The following HCN1 variants were observed in gnomAD, a reference collection of about 807,000 sequenced individuals.
HCN1 encodes the protein potassium/sodium hyperpolarization-activated cyclic nucleotide-gated channel 1.
HCN1 carries 13 observed loss-of-function variants against 78.9 expected under a neutral mutation model. The ratio of observed to expected loss-of-function variants is 0.16; its 90% CI spans 0.11 to 0.26. The LOEUF (loss-of-function observed/expected upper bound fraction) is 0.26. HCN1 is among the 10% of genes least tolerant of loss of function. The pLI, the probability that HCN1 is intolerant of heterozygous loss-of-function variation, is 1.00. For missense variants in HCN1, 810 were observed against 1,154.3 expected (o/e 0.70, Z 4.32); for synonymous variants, 552 against 455.5 (o/e 1.21, Z -2.70).
At chr5:45,306,586 C>A (rs752164329) in intron 5 of HCN1, among the ~76,000 whole-genome samples, 6 of 152,052 alleles carry the variant, frequency 3.9e-5, no homozygotes, top group Non-Finnish European at 7.4e-5. Context: ...TTCTAAAAAC[C>A]TTTCATTCTC....
intron 5 of HCN1, among the ~76,000 whole-genome samples, chr5:45,312,906 G>T (rs1193953683): frequency 1.3e-5 from 2 of 152,156 alleles, no homozygotes; most frequent in Non-Finnish European, 2.9e-5. Context: ...AGCTCAAGGA[G>T]GCCTGCCTGC....
chr5:45,315,597 A>G (rs1168335981), intron 5 of HCN1, among the ~76,000 whole-genome samples: 2 of 152,190 alleles, frequency 1.3e-5, no homozygotes, highest in East Asian at 3.8e-4. Context: ...AGACACAAAA[A>G]ACCCTTCAGA....
chr5:45,455,443 A>C (rs1579906383), intron 3 of HCN1, among the ~76,000 whole-genome samples: 1 of 152,186 alleles, frequency 6.6e-6, no homozygotes, highest in East Asian at 1.9e-4. Flanking sequence ...TTAGAATGTA[A>C]GCCTAATGAG....
intron 6 of HCN1, among the ~76,000 whole-genome samples, chr5:45,275,842 T>G (rs1204231278): frequency 2.0e-5 from 3 of 152,084 alleles, no homozygotes; most frequent in Admixed American, 6.6e-5. Context: ...TTTTTCTGCT[T>G]CTATCTGTCT....
chr5:45,328,351 A>G (rs1169574436), intron 5 of HCN1, among the ~76,000 whole-genome samples: 3 of 151,470 alleles, frequency 2.0e-5, no homozygotes, highest in African/African-American at 7.3e-5. Context: ...CTCATATTAC[A>G]TAGAGAACTT....
chr5:45,332,151 A>G (rs1247789147), intron 5 of HCN1, among the ~76,000 whole-genome samples: 1 of 151,382 alleles, frequency 6.6e-6, no homozygotes, highest in Non-Finnish European at 1.5e-5. Context: ...TAGAAGCTTT[A>G]CCTAGCACAG....
At chr5:45,616,875 C>A (rs1744968008) in intron 2 of HCN1, among the ~76,000 whole-genome samples, 1 of 151,862 alleles carries the variant, frequency 6.6e-6, no homozygotes, top group Non-Finnish European at 1.5e-5. Context: ...CAAACACAAT[C>A]AAAAACCTAG....
chr5:45,619,132 AAGT>A (rs1318795087), intron 2 of HCN1, among the ~76,000 whole-genome samples: 1 of 152,060 alleles, frequency 6.6e-6, no homozygotes, highest in Non-Finnish European at 1.5e-5. Flanking sequence ...CAAACTCCTA[AAGT>A]AGTAGAAGTA....
intron 1 of HCN1, among the ~76,000 whole-genome samples, chr5:45,650,360 A>G (rs1025036032): frequency 6.6e-6 from 1 of 152,026 alleles, no homozygotes; most frequent in African/African-American, 2.4e-5. Context: ...ATAAGGTGCC[A>G]GTTCTCCACA....
chr5:45,665,578 C>G (rs1746026886), intron 1 of HCN1, among the ~76,000 whole-genome samples: 1 of 151,958 alleles, frequency 6.6e-6, no homozygotes, highest in South Asian at 2.1e-4. Context: ...AATAAATTCT[C>G]AGACTCTTTT....
intron 3 of HCN1, among the ~76,000 whole-genome samples, chr5:45,444,293 G>C (rs1005953724): frequency 1.3e-5 from 2 of 152,114 alleles, no homozygotes; most frequent in African/African-American, 4.8e-5. Flanking sequence ...ATTTAAATTA[G>C]TTTTGAAAGC....
chr5:45,669,288 G>A (rs1247398048), intron 1 of HCN1, among the ~76,000 whole-genome samples: 1 of 151,770 alleles, frequency 6.6e-6, no homozygotes, highest in Non-Finnish European at 1.5e-5. Flanking sequence ...GGAATTGCCT[G>A]TACTTGAAGA....
intron 4 of HCN1, among the ~76,000 whole-genome samples, chr5:45,382,007 T>C (rs1747818927): frequency 1.3e-5 from 2 of 152,202 alleles, no homozygotes; most frequent in Non-Finnish European, 2.9e-5. Flanking sequence ...ACTGACTCTG[T>C]TCCTACATCA....
Position 45,255,317 on chromosome 5 carries a change from C to T in HCN1, c.*6604G>A, listed in dbSNP as rs1744585432. 6.6e-6 allele frequency: 1 copy of T among 152,174 alleles called. No homozygotes were observed. The highest frequency in any genetic ancestry group is 1.5e-5 in the Non-Finnish European group (1 of 68,040). The allele number at this position is 152,174 out of a possible 1,614,324, so 9.4% of individuals were successfully genotyped here. ...GTTGACTTGTCATCTCCAGAAATGT[C>T]TTCACACTTGGAAGTTCCCTTAAAA... On this transcript the variant is annotated 3_prime_UTR_variant, in exon 8 of 8. Transcript: ENST00000303230.
chr5:45,508,291 A>C (rs1742347375), intron 2 of HCN1, among the ~76,000 whole-genome samples: 1 of 152,100 alleles, frequency 6.6e-6, no homozygotes, highest in Non-Finnish European at 1.5e-5. Context: ...TGAAACCATA[A>C]GGAGTTAGAT....
chr5:45,565,834 T>C (rs1743697251), intron 2 of HCN1, among the ~76,000 whole-genome samples: 1 of 152,066 alleles, frequency 6.6e-6, no homozygotes, highest in African/African-American at 2.4e-5. Flanking sequence ...ATAATAATAA[T>C]TAAGTATTCT....
chr5:45,649,059 C>A (rs1745627423), intron 1 of HCN1, among the ~76,000 whole-genome samples: 1 of 151,918 alleles, frequency 6.6e-6, no homozygotes, highest in African/African-American at 2.4e-5. Flanking sequence ...GGCAAGAGGG[C>A]ACTTGCTCAT....
At chr5:45,644,323 A>T (rs774417202) in intron 2 of HCN1, 1 of 152,162 alleles carries the variant, frequency 6.6e-6, no homozygotes, top group Non-Finnish European at 1.5e-5. Context: ...TTCAGGTTAT[A>T]ATTAATACAA....
chr5:45,453,948 A>G (rs1289522010), intron 3 of HCN1, among the ~76,000 whole-genome samples: 2 of 152,074 alleles, frequency 1.3e-5, no homozygotes, highest in Non-Finnish European at 2.9e-5. Context: ...AGATAAGGTA[A>G]TTTCATGAAT....
Sources: gnomAD v4.1 joint callset for allele counts (sites outside exome capture counted in the v4.1 genomes callset) on GRCh38, gnomAD v4.1.1 for gene constraint, MANE v1.5 for transcripts, NCBI Gene and HGNC (gene_info 2026-07-23, HGNC 2026-07-21) for gene names.